SPTBN5: variants seen among roughly 807,000 people sequenced by gnomAD.
The protein encoded by SPTBN5 is spectrin beta, non-erythrocytic 5.
In SPTBN5, 513 loss-of-function variants were observed where a neutral mutation model predicts 477.6. That is an observed-to-expected ratio of 1.07 (90% confidence interval 1.00 to 1.16). SPTBN5 has a LOEUF of 1.16. Among genes scored for constraint, SPTBN5 ranks in the 50% most tolerant of loss-of-function variants. The pLI is 0.00. For synonymous variants in SPTBN5, 2,169 were observed against 2,011.7 expected (o/e 1.08, Z -2.09); for missense variants, 5,062 against 4,731.8 (o/e 1.07, Z -2.05).
At chr15:41,893,228 C>T (rs1277865598) in intron 2 of SPTBN5, 54 bp downstream of exon 2, 5 of 1,610,390 alleles carry the variant, frequency 3.1e-6, no homozygotes, top group Non-Finnish European at 4.2e-6. Flanking sequence ...GCCCACTGGC[C>T]AGAGCTGGGG....
chr15:41,877,424 C>T (rs1203159837), intron 17 of SPTBN5, 68 bp from the exon 18 acceptor site: 65 of 1,545,368 alleles, frequency 4.2e-5, no homozygotes, highest in Middle Eastern at 1.7e-4. Context: ...TCTCCTCTCA[C>T]CTCCAGGGTT....
At chr15:41,854,307 G>C in intron 56 of SPTBN5, 102 bp from the exon 57 acceptor site, 1 of 1,384,760 alleles carries the variant, frequency 7.2e-7, no homozygotes, top group Admixed American at 2.3e-5. Context: ...TGAACAAGGA[G>C]GATCATGGGG....
In SPTBN5 at chr15:41,881,142, C is replaced by T; in HGVS notation, c.2550G>A (p.Trp850Ter). The T allele has an allele frequency of 6.2e-7, 1 of 1,613,654 alleles. No homozygotes were observed. The highest frequency in any genetic ancestry group is 8.5e-7 in the Non-Finnish European group (1 of 1,179,830). ...ASCHPGPGDA[W>*]KMALPAEPDP... is the part of the protein sequence containing the mutation. Reference sequence around the variant, plus strand: ...CAGGCTCAGCTGGGAGGGCCATCTTCCAGGCATCCCCAGGGCCAGGGTGGC... The same window carrying T: ...CAGGCTCAGCTGGGAGGGCCATCTTTCAGGCATCCCCAGGGCCAGGGTGGC... Residue 850 changes from tryptophan to a stop codon, truncating the protein, a stop_gained, in exon 13 of 68, where the codon TGG becomes TGA. Coordinates refer to ENST00000320955, the MANE Select transcript of SPTBN5 (RefSeq NM_016642.4). LOFTEE classifies it high-confidence loss of function.
At chr15:41,850,502 TCAGA>T (rs1477872621) in intron 66 of SPTBN5, 2 of 286,842 alleles carry the variant, frequency 7.0e-6, no homozygotes, top group Admixed American at 9.3e-5. Context: ...AGCACCCAGA[TCAGA>T]CAGAACAGAG....
intron 67 of SPTBN5, 21 bp downstream of exon 67, chr15:41,849,848 T>G (rs749305598): frequency 1.7e-5 from 27 of 1,552,958 alleles, no homozygotes; most frequent in Non-Finnish European, 2.2e-5. Flanking sequence ...CCGCCCTGCT[T>G]CCCCCACCCA....
Position 41,863,899 on chromosome 15 carries a change from T to A in SPTBN5, c.7034+10A>T, listed in dbSNP as rs766206686. 6.2e-7 allele frequency: 1 copy of A among 1,613,714 alleles called. No homozygotes were observed. The highest frequency in any genetic ancestry group is 1.1e-5 in the South Asian group (1 of 91,046). On this transcript the variant is annotated intron_variant, in intron 40 of 67. Transcript: ENST00000320955. ...CCCGGCCCTTTGGTTCTCCCCAGCC[T>A]GGGACTGGCCTGTTGTTGAGCTGGC...
intron 3 of SPTBN5, among the ~76,000 whole-genome samples, chr15:41,891,266 A>G (rs1459647864): frequency 6.6e-6 from 1 of 152,212 alleles, no homozygotes; most frequent in Non-Finnish European, 1.5e-5. Context: ...GAGACTTTCC[A>G]TAAGACCTGA....
chr15:41,892,660 C>G (rs1225777619), intron 3 of SPTBN5: 3 of 494,460 alleles, frequency 6.1e-6, no homozygotes, highest in African/African-American at 6.0e-5. Flanking sequence ...TTTTCCACCC[C>G]AGTAGGGACC....
chr15:41,850,931 C>G lies in SPTBN5; in HGVS notation c.10844G>C (p.Ser3615Thr). Residue 3615 changes from serine to threonine, a missense_variant, in exon 66 of 68, where the codon AGT (serine) becomes ACT (threonine). Coordinates refer to ENST00000320955, the MANE Select transcript of SPTBN5 (RefSeq NM_016642.4). ...RKHTFSLRLT[S>T]GAEILFAAPS... is the part of the protein sequence containing the mutation. ...TGCTGCAAACAGGATCTCTGCCCCA[C>G]TGGTCAGCCTGGCACCCACAGTCAC... The G allele has an allele frequency of 6.3e-7, 1 of 1,577,928 alleles. No individual in the cohort carries two copies. Among genetic ancestry groups the G allele is most frequent in the Middle Eastern group, 1.7e-4 (1 of 6,008 alleles).
At position 41,886,039 on chromosome 15, in the gene SPTBN5, C is replaced by T. The variant is rs764539876; in HGVS notation, c.1216G>A (p.Ala406Thr). 6.4e-7 allele frequency: 1 copy of T among 1,567,932 alleles called. No homozygotes were observed. Among genetic ancestry groups the T allele is most frequent in the Admixed American group, 1.9e-5 (1 of 53,128 alleles). Residue 406 changes from alanine to threonine, a missense_variant, in exon 7 of 68, where the codon GCA (alanine) becomes ACA (threonine). Transcript: ENST00000320955. ...LSQCWAGLEW[A>T]EAARSQALQQ... ...AGGGCCTGGCTCCTTGCAGCCTCTG[C>T]CCACTCCAGCCCTGCCCAGCACTGG...
rs187123688 is a variant in SPTBN5, at chr15:41,850,226, G to A, written c.10922-267C>T. On this transcript the variant is annotated intron_variant, in intron 66 of 67. Transcript: ENST00000320955. ...AGGAGGTGGGAAATTCTGGAATGTC[G>A]AACAACTCAAGATCCCTTTGGGCTC... The A allele has an allele frequency of 9.3e-4, 440 of 475,282 alleles. 2 individuals are homozygous for A. Among genetic ancestry groups the A allele is most frequent in the Admixed American group, 3.3e-3 (98 of 29,892 alleles). 29.4% of individuals were successfully genotyped at this position (475,282 alleles called of 1,614,324 possible).
In SPTBN5 at chr15:41,863,749, C is replaced by T. The variant is rs757914793; in HGVS notation, c.7104G>A (p.Val2368=). 8.1e-6 allele frequency: 13 copies of T among 1,613,722 alleles called. No individual in the cohort carries two copies. The Admixed American group carries it at 1.8e-4, about 23-fold the overall frequency. The change falls in exon 41 of 68, where the codon GTG becomes GTA. Residue 2368 remains valine, a synonymous_variant. Coordinates refer to ENST00000320955, the MANE Select transcript of SPTBN5 (RefSeq NM_016642.4). The stretch of plus-strand genomic sequence containing the variant: ...TGACATTGTCCAGCTCTCGGGACAA[C>T]ACGTGTATCTCCAAGGCCCCTTCGA... ...QQLEGALEIH[V]LSRELDNVTK...
At chr15:41,870,137 G>C (rs943562526) in intron 31 of SPTBN5, 106 bp downstream of exon 31, 4 of 1,453,842 alleles carry the variant, frequency 2.8e-6, no homozygotes, top group African/African-American at 1.4e-5. Flanking sequence ...ATGCACAGGA[G>C]GCCCATGGGA....
Position 41,855,377 on chromosome 15 carries a change from C to T in SPTBN5, c.9270G>A (p.Leu3090=), listed in dbSNP as rs2065902458. Residue 3090 remains leucine, a synonymous_variant, in exon 55 of 68, where the codon CTG becomes CTA. Coordinates refer to ENST00000320955, the MANE Select transcript of SPTBN5 (RefSeq NM_016642.4). ...LQAVREAHAE[L]LRRAEARGHG... is the part of the protein sequence containing the mutation. ...GCCCCCTGGCCTCCGCCCTCCGCAG[C>T]AGCTCTGCGTGGGCCTCCCGAACTG... 2 of 1,604,966 alleles carry T rather than the reference C, an allele frequency of 1.2e-6. No homozygotes were observed. Among genetic ancestry groups the T allele is most frequent in the Admixed American group, 1.7e-5 (1 of 59,976 alleles).
intron 19 of SPTBN5, 22 bp from the exon 20 acceptor site, chr15:41,876,669 G>A: frequency 6.7e-7 from 1 of 1,494,176 alleles, no homozygotes; most frequent in South Asian, 1.1e-5. Flanking sequence ...GGGGGGGTTG[G>A]AGGAGGGCAT....
chr15:41,877,355 G>C lies in SPTBN5; in HGVS notation c.3472C>G (p.Leu1158Val), dbSNP rs568636491. The C allele has an allele frequency of 1.2e-5, 19 of 1,605,196 alleles. No individual in the cohort carries two copies. The Admixed American group carries it at 3.0e-4, about 26-fold the overall frequency. The change falls in exon 18 of 68, where the codon CTG becomes GTG. Residue 1158 changes from leucine to valine, a missense_variant and splice_region_variant. Coordinates refer to ENST00000320955, the MANE Select transcript of SPTBN5 (RefSeq NM_016642.4). Reference protein sequence around the residue: ...LEEIHLWQERLQQLDAQSQPM... With the variant: ...LEEIHLWQERVQQLDAQSQPM... The stretch of plus-strand genomic sequence containing the variant: ...TGGCTCTGAGCGTCCAGCTGCTGCA[G>C]CCTGACCAGGATGACAGGCAGAGAG...
chr15:41,851,408 C>T (rs1175302384), intron 63 of SPTBN5, 39 bp from the exon 64 acceptor site: 53 of 1,462,240 alleles, frequency 3.6e-5, no homozygotes, highest in Non-Finnish European at 4.6e-5. Flanking sequence ...GAGCCACACG[C>T]AGGAAGCCAG....
Position 41,854,895 on chromosome 15 carries a change from C to A in SPTBN5, c.9505G>T (p.Ala3169Ser). Residue 3169 changes from alanine (A) to serine (S), a missense_variant, in exon 56 of 68, where the codon GCA becomes TCA. Ala to Ser is a moderately conservative substitution (Grantham distance 99). Coordinates refer to ENST00000320955, the MANE Select transcript of SPTBN5 (RefSeq NM_016642.4). Reference protein sequence around the residue: ...QAKVYALRKLAGTLERGAPRR... With the variant: ...QAKVYALRKLSGTLERGAPRR... ...GGTGCACCCCGCTCCAGGGTGCCTG[C>A]CAACTTCCTCAGGGCATACACCTTG... 1 of 1,609,012 alleles carries A rather than the reference C, an allele frequency of 6.2e-7. No individual in the cohort carries two copies. Among genetic ancestry groups the A allele is most frequent in the South Asian group, 1.1e-5 (1 of 90,496 alleles).
chr15:41,892,774 C>T, intron 3 of SPTBN5, 120 bp downstream of exon 3: 2 of 1,192,344 alleles, frequency 1.7e-6, no homozygotes, highest in Non-Finnish European at 2.3e-6. Flanking sequence ...TCCTCCTGTA[C>T]TCAGGCCCCA....
Sources: gnomAD v4.1 joint callset for allele counts (sites outside exome capture counted in the v4.1 genomes callset) on GRCh38, gnomAD v4.1.1 for gene constraint, MANE v1.5 for transcripts, NCBI Gene and HGNC (gene_info 2026-07-23, HGNC 2026-07-21) for gene names.